The following ANKRD30B variants were observed in gnomAD, a reference collection of about 807,000 sequenced individuals.
ANKRD30B encodes the protein ankyrin repeat domain-containing protein 30B.
ANKRD30B carries 144 observed loss-of-function variants against 202.2 expected under a neutral mutation model. That is an observed-to-expected ratio of 0.71 (90% CI 0.62 to 0.82). ANKRD30B has a LOEUF of 0.82. Ranked by LOEUF, ANKRD30B falls within the 40% of genes least tolerant of loss-of-function variation. The pLI is 0.00. For synonymous variants in ANKRD30B, 508 were observed against 561.3 expected (o/e 0.91, Z 1.34); for missense variants, 1,487 against 1,669.1 (o/e 0.89, Z 1.90).
intron 40 of ANKRD30B, among the ~76,000 whole-genome samples, 178 bp from the exon 41 acceptor site, chr18:14,850,036 T>C (rs1418428065): frequency 1.3e-5 from 2 of 151,626 alleles, no homozygotes; most frequent in Non-Finnish European, 3.0e-5. Flanking sequence ...TTTTCAAGTA[T>C]GTATGTCATT....
chr18:14,835,654 T>C (rs1259094177), intron 34 of ANKRD30B, among the ~76,000 whole-genome samples: 1 of 151,584 alleles, frequency 6.6e-6, no homozygotes, highest in Non-Finnish European at 1.5e-5. Context: ...TGTTGCTTAA[T>C]TTTCTTTATA....
intron 1 of ANKRD30B, among the ~76,000 whole-genome samples, chr18:14,750,669 A>G (rs546148492): frequency 6.6e-6 from 1 of 152,268 alleles, no homozygotes; most frequent in African/African-American, 2.4e-5. Flanking sequence ...TGTATTAAAA[A>G]GAATCCATTT....
intron 30 of ANKRD30B, among the ~76,000 whole-genome samples, chr18:14,820,158 CTGTT>C (rs1333853872): frequency 0.012 from 1,769 of 152,214 alleles, 40 homozygotes; most frequent in African/African-American, 0.04. Flanking sequence ...ATTTGGCTCT[CTGTT>C]TGTCTGTTAT....
intron 9 of ANKRD30B, among the ~76,000 whole-genome samples, chr18:14,774,092 G>A (rs756233526): frequency 8.5e-5 from 13 of 152,060 alleles, no homozygotes; most frequent in African/African-American, 1.7e-4. Flanking sequence ...GAATGTTCCC[G>A]CTTTTAGGTA....
At chr18:14,875,010 A>C in the ANKRD30B span, among the ~76,000 whole-genome samples, 1 of 152,212 alleles carries the variant, frequency 6.6e-6, no homozygotes, top group Admixed American at 6.5e-5. Context: ...CCCAATGACC[A>C]AATCAACAGT....
At position 14,796,154 on chromosome 18, in the gene ANKRD30B, G is replaced by T. The variant is rs1482147143; in HGVS notation, c.1826-67G>T. 98 of 1,432,242 alleles carry T rather than the reference G, an allele frequency of 6.8e-5. 1 individual carries two copies. The South Asian group carries it at 1.1e-3, about 16-fold the overall frequency. 88.7% of individuals were successfully genotyped at this position (1,432,242 alleles called of 1,614,324 possible). Reference sequence around the variant, plus strand: ...GAGGATTCATCTTCATATTCACATTGTACGAATGCTTGGTAGGCTTTGTCA... The same window carrying T: ...GAGGATTCATCTTCATATTCACATTTTACGAATGCTTGGTAGGCTTTGTCA... On this transcript the variant is annotated intron_variant, in intron 16 of 43. Coordinates refer to ENST00000690538, the MANE Select transcript of ANKRD30B (RefSeq NM_001367607.2).
the ANKRD30B span, among the ~76,000 whole-genome samples, chr18:14,876,455 A>G: frequency 1.3e-5 from 2 of 152,190 alleles, no homozygotes; most frequent in Non-Finnish European, 2.9e-5. Context: ...AAATGATGCC[A>G]ACATTTAGCC....
chr18:14,886,145 T>C, the ANKRD30B span, among the ~76,000 whole-genome samples: 1 of 151,984 alleles, frequency 6.6e-6, no homozygotes, highest in South Asian at 2.1e-4. Flanking sequence ...GAAGGCTATA[T>C]CTCAATAGAA....
chr18:14,808,353 A>G lies in ANKRD30B; in HGVS notation c.2285-198A>G, dbSNP rs1969666004. 4.8e-6 allele frequency: 3 copies of G among 622,690 alleles called. 1 individual carries two copies. In the Admixed American group the frequency reaches 6.7e-5, roughly 14 times the overall value. The allele number at this position is 622,690 out of a possible 1,614,324, so 38.6% of individuals were successfully genotyped here. On this transcript the variant is annotated intron_variant, in intron 24 of 43. Coordinates refer to ENST00000690538, the MANE Select transcript of ANKRD30B (RefSeq NM_001367607.2). The stretch of plus-strand genomic sequence containing the variant: ...CTTCATAGCACGTTTGATGAAATTT[A>G]TTTTTTAAATTTTCTTAAGTATATT...
the ANKRD30B span, among the ~76,000 whole-genome samples, chr18:14,871,071 A>C: frequency 1.6e-5 from 1 of 60,778 alleles, no homozygotes. Context: ...ACACACCCCC[A>C]CCCACAGACC....
intron 4 of ANKRD30B, among the ~76,000 whole-genome samples, chr18:14,756,218 G>A (rs1437494435): frequency 6.6e-6 from 1 of 152,148 alleles, no homozygotes. Flanking sequence ...AGAAGTGTCT[G>A]TTCATACCCT....
chr18:14,878,377 C>CT, the ANKRD30B span, among the ~76,000 whole-genome samples: 1 of 123,332 alleles, frequency 8.1e-6, no homozygotes, highest in African/African-American at 2.5e-5. Flanking sequence ...AAAAAGGCAC[C>CT]TACCCCATTT....
Position 14,796,073 on chromosome 18 carries a change from A to G in ANKRD30B, c.1826-148A>G, listed in dbSNP as rs1396018399. 3.4e-6 allele frequency: 3 copies of G among 870,320 alleles called. No homozygotes were observed. In the East Asian group the frequency reaches 7.7e-5, roughly 22 times the overall value. The allele number at this position is 870,320 out of a possible 1,614,324, so 53.9% of individuals were successfully genotyped here. Reference sequence around the variant, plus strand: ...TTCTGTCCCGTTGGCATGTTAACAAATACAAAAGCCCAAAAGACCCCAAAA... The same window carrying G: ...TTCTGTCCCGTTGGCATGTTAACAAGTACAAAAGCCCAAAAGACCCCAAAA... On this transcript the variant is annotated intron_variant, in intron 16 of 43. Transcript: ENST00000690538.
intron 36 of ANKRD30B, among the ~76,000 whole-genome samples, chr18:14,838,544 G>GTT (rs1274406023): frequency 3.3e-5 from 5 of 152,120 alleles, no homozygotes; most frequent in African/African-American, 4.8e-5. Context: ...AACTCTTTGA[G>GTT]TCCATTTATG....
At chr18:14,749,362 A>G (rs1461944596) in intron 1 of ANKRD30B, among the ~76,000 whole-genome samples, 3 of 152,216 alleles carry the variant, frequency 2.0e-5, no homozygotes, top group Non-Finnish European at 2.9e-5. Context: ...TCTAGATATC[A>G]AAATGCGCTA....
intron 30 of ANKRD30B, among the ~76,000 whole-genome samples, chr18:14,820,759 T>G (rs969552369): frequency 5.3e-5 from 8 of 152,222 alleles, no homozygotes; most frequent in African/African-American, 1.7e-4. Context: ...GCTGGATTCA[T>G]TTTGCCAGTA....
downstream of ANKRD30B, among the ~76,000 whole-genome samples, chr18:14,856,437 C>T (rs1330631378): frequency 1.1e-4 from 16 of 144,472 alleles, 1 homozygote; most frequent in Non-Finnish European, 1.7e-4. Context: ...CGGGCAGAGG[C>T]GCTCCTCAAC....
At chr18:14,907,700 G>A in the ANKRD30B span, among the ~76,000 whole-genome samples, 1 of 152,204 alleles carries the variant, frequency 6.6e-6, no homozygotes, top group African/African-American at 2.4e-5. Flanking sequence ...TTTGGACAGA[G>A]AAGACACTGC....
At chr18:14,865,422 A>C in the ANKRD30B span, among the ~76,000 whole-genome samples, 5 of 147,194 alleles carry the variant, frequency 3.4e-5, no homozygotes, top group African/African-American at 1.3e-4. Flanking sequence ...TTTTACCTAC[A>C]GTCTTCTTTC....
Sources: allele counts gnomAD v4.1 joint callset (sites outside exome capture counted in the v4.1 genomes callset), GRCh38; gene constraint gnomAD v4.1.1; transcripts MANE v1.5; gene names NCBI Gene and HGNC (gene_info 2026-07-23, HGNC 2026-07-21).